The following PGCKA1 variants were observed in gnomAD, a reference collection of about 807,000 sequenced individuals.
PGCKA1 encodes PDCD10 and GCKIII kinases associated 1, also known as PDCD10 and GCKIII kinases-associated protein 1.
the PGCKA1 span, among the ~76,000 whole-genome samples, chr4:37,522,393 C>T: frequency 6.6e-6 from 1 of 152,092 alleles, no homozygotes; most frequent in Non-Finnish European, 1.5e-5. Flanking sequence ...GCCAGACTAC[C>T]GCCCATGTTT....
At chr4:37,570,471 T>C in the PGCKA1 span, among the ~76,000 whole-genome samples, 1 of 150,256 alleles carries the variant, frequency 6.7e-6, no homozygotes, top group Non-Finnish European at 1.5e-5. Flanking sequence ...AAAGAGTTTA[T>C]CTTCTAGTCC....
chr4:37,535,729 C>T, the PGCKA1 span, among the ~76,000 whole-genome samples: 7 of 152,164 alleles, frequency 4.6e-5, no homozygotes, highest in Non-Finnish European at 1.0e-4. Context: ...AGGGGCATTA[C>T]CACCACCACA....
the PGCKA1 span, among the ~76,000 whole-genome samples, chr4:37,534,440 AT>A: frequency 6.6e-6 from 1 of 152,172 alleles, no homozygotes; most frequent in African/African-American, 2.4e-5. Flanking sequence ...GAGGCCATGT[AT>A]TTAGGGTCAG....
chr4:37,485,370 C>A, the PGCKA1 span, among the ~76,000 whole-genome samples: 515 of 152,176 alleles, frequency 3.4e-3, 5 homozygotes, highest in African/African-American at 0.012. Flanking sequence ...ATGCCATTAT[C>A]TTGGGAGTGG....
At chr4:37,481,582 G>A in the PGCKA1 span, among the ~76,000 whole-genome samples, 3 of 149,684 alleles carry the variant, frequency 2.0e-5, no homozygotes, top group East Asian at 2.0e-4. Context: ...CCCTTTTGCC[G>A]ACTCTTCACA....
the PGCKA1 span, among the ~76,000 whole-genome samples, chr4:37,456,257 C>T: frequency 0.99 from 150,680 of 152,330 alleles, 74,543 homozygotes; most frequent in Middle Eastern, 1. Flanking sequence ...CCTGTGTCTC[C>T]AGTTGTAGCC....
the PGCKA1 span, among the ~76,000 whole-genome samples, chr4:37,488,648 T>C: frequency 7.2e-5 from 11 of 152,306 alleles, no homozygotes; most frequent in Non-Finnish European, 1.3e-4. Flanking sequence ...CTGGGAAATC[T>C]GGATGAAGAT....
At chr4:37,528,246 G>A in the PGCKA1 span, among the ~76,000 whole-genome samples, 1 of 152,120 alleles carries the variant, frequency 6.6e-6, no homozygotes, top group Non-Finnish European at 1.5e-5. Context: ...TTGACTCAGG[G>A]ATTTTGTGTT....
chr4:37,481,244 G>A, the PGCKA1 span, among the ~76,000 whole-genome samples: 8 of 152,078 alleles, frequency 5.3e-5, no homozygotes, highest in South Asian at 2.1e-4. Flanking sequence ...GGTGGATCAC[G>A]AGGTCAAGAG....
At chr4:37,491,649 C>G in the PGCKA1 span, among the ~76,000 whole-genome samples, 44 of 152,212 alleles carry the variant, frequency 2.9e-4, no homozygotes, top group African/African-American at 1.0e-3. Context: ...AATGATATCC[C>G]TTGGTGTGAG....
At chr4:37,571,355 C>CATTTTTTTTTTTTTTTTTTTT in the PGCKA1 span, among the ~76,000 whole-genome samples, 4 of 78,036 alleles carry the variant, frequency 5.1e-5, no homozygotes, top group Non-Finnish European at 6.6e-5. Context: ...GACTATTATC[C>CATTTTTTTTTTTTTTTTTTTT]TTTTTTTTTT....
At chr4:37,573,183 C>A in the PGCKA1 span, among the ~76,000 whole-genome samples, 1 of 152,150 alleles carries the variant, frequency 6.6e-6, no homozygotes, top group African/African-American at 2.4e-5. Context: ...AAATGACTTT[C>A]ATTACAAAAG....
chr4:37,456,265 G>A, the PGCKA1 span, among the ~76,000 whole-genome samples: 1 of 152,134 alleles, frequency 6.6e-6, no homozygotes, highest in East Asian at 1.9e-4. Context: ...TCCAGTTGTA[G>A]CCTTTCTTAC....
At chr4:37,567,819 G>A in the PGCKA1 span, among the ~76,000 whole-genome samples, 1,004 of 152,116 alleles carry the variant, frequency 6.6e-3, 12 homozygotes, top group African/African-American at 0.02. Flanking sequence ...GTGAGCATTC[G>A]TCACACACCT....
the PGCKA1 span, among the ~76,000 whole-genome samples, chr4:37,453,458 A>G: frequency 8.5e-5 from 13 of 152,198 alleles, no homozygotes; most frequent in Admixed American, 2.6e-4. Flanking sequence ...TAGCTCATAC[A>G]GGGCTGGCCA....
the PGCKA1 span, among the ~76,000 whole-genome samples, chr4:37,591,979 C>T: frequency 6.6e-6 from 1 of 151,890 alleles, no homozygotes; most frequent in Non-Finnish European, 1.5e-5. Context: ...GAGGCCGAGG[C>T]GGGTGGATCA....
At chr4:37,509,976 T>TGGGAGA in the PGCKA1 span, among the ~76,000 whole-genome samples, 6 of 80,718 alleles carry the variant, frequency 7.4e-5, no homozygotes, top group East Asian at 6.1e-4. Context: ...CGGGAGACCG[T>TGGGAGA]GGGAGAGGGA....
At chr4:37,520,609 TA>T in the PGCKA1 span, among the ~76,000 whole-genome samples, 1 of 143,300 alleles carries the variant, frequency 7.0e-6, no homozygotes, top group Non-Finnish European at 1.5e-5. Flanking sequence ...TTGTAACATT[TA>T]TTTTTTTTTC....
At chr4:37,496,085 G>A in the PGCKA1 span, among the ~76,000 whole-genome samples, 1 of 152,142 alleles carries the variant, frequency 6.6e-6, no homozygotes, top group Non-Finnish European at 1.5e-5. Context: ...TTACTCTGCT[G>A]ATAGTTTCTT....
Sources: gnomAD v4.1 joint callset for allele counts (sites outside exome capture counted in the v4.1 genomes callset) on GRCh38, gnomAD v4.1.1 for gene constraint, MANE v1.5 for transcripts, NCBI Gene and HGNC (gene_info 2026-07-23, HGNC 2026-07-21) for gene names.